The following ADAM33 variants were observed in gnomAD, a reference collection of about 807,000 sequenced individuals.
ADAM33 encodes ADAM metallopeptidase domain 33.
In ADAM33, 103 loss-of-function variants were observed where a neutral mutation model predicts 106.2. The observed-to-expected ratio is 0.97, with a 90% CI of 0.83 to 1.14. The LOEUF (loss-of-function observed/expected upper bound fraction) is 1.14. Ranked by LOEUF, ADAM33 falls within the 50% of genes most tolerant of loss-of-function variation. The pLI is 0.00. For synonymous variants in ADAM33, 483 were observed against 453.0 expected (o/e 1.07, Z -0.84); for missense variants, 1,120 against 1,096.6 (o/e 1.02, Z -0.30).
chr20:3,680,966 G>T (rs530684501), intron 1 of ADAM33, among the ~76,000 whole-genome samples: 2 of 152,134 alleles, frequency 1.3e-5, no homozygotes, highest in South Asian at 2.1e-4. Context: ...TCTCCCAGGG[G>T]TCCCATCACC....
chr20:3,668,919 A>T lies in ADAM33; in HGVS notation c.*44T>A, dbSNP rs747580126. On this transcript the variant is annotated 3_prime_UTR_variant, in exon 22 of 22. Transcript: ENST00000356518. ...AGTTCAAGTTCCTGGAGTGGCTGTC[A>T]GTGGCCACCTGTCTTTAAATCTGTT... 2 of 1,590,392 alleles carry T rather than the reference A, an allele frequency of 1.3e-6. No individual in the cohort carries two copies. Among genetic ancestry groups the T allele is most frequent in the Non-Finnish European group, 1.7e-6 (2 of 1,158,960 alleles).
rs1600230410 is a variant in ADAM33 at position 3,675,490 on chromosome 20, A to G, written c.255-385T>C. Among the ~76,000 whole-genome samples the G allele has an allele frequency of 6.6e-6, 1 of 151,578 alleles. No homozygotes were observed. The highest frequency in any genetic ancestry group is 1.5e-5 in the Non-Finnish European group (1 of 67,872). Reference sequence around the variant, plus strand: ...GACTTGGAGTTGGGGAAATGCGGTGACCTCCCCCAGTTCCCCTGCCTGCTG... The same window carrying G: ...GACTTGGAGTTGGGGAAATGCGGTGGCCTCCCCCAGTTCCCCTGCCTGCTG... On this transcript the variant is annotated intron_variant, in intron 3 of 21. Coordinates refer to ENST00000356518, the MANE Select transcript of ADAM33 (RefSeq NM_025220.5). The surrounding 1 kb of genome is among the most constrained non-coding windows in gnomAD (Gnocchi z 4.1).
rs79400185 is a variant in ADAM33, at chr20:3,680,383, C to T, written c.98-812G>A. Among the ~76,000 whole-genome samples, 45 of 152,094 alleles carry T rather than the reference C, an allele frequency of 3.0e-4. 1 individual carries two copies. ...AGCTCCCAGAACAGACAGCCTCCCC[C>T]CTCCACGCAGCCCTGGCCTCAGTCC... On this transcript the variant is annotated intron_variant, in intron 1 of 21. Coordinates refer to ENST00000356518, the MANE Select transcript of ADAM33 (RefSeq NM_025220.5).
chr20:3,676,586 C>A (rs987831633), intron 3 of ADAM33, among the ~76,000 whole-genome samples: 1 of 151,826 alleles, frequency 6.6e-6, no homozygotes, highest in African/African-American at 2.4e-5. Context: ...TTACAGGCGC[C>A]GCCACCACGC....
At chr20:3,680,814 C>T (rs925126249) in intron 1 of ADAM33, among the ~76,000 whole-genome samples, 1 of 152,170 alleles carries the variant, frequency 6.6e-6, no homozygotes, top group African/African-American at 2.4e-5. Flanking sequence ...CATGGCCTTG[C>T]GCGCACGTGC....
In ADAM33 at chr20:3,679,009, A is replaced by G. The variant is rs2146459708; in HGVS notation, c.177+483T>C. ...TGACCACTGCCCCCCCGATACCAGA[A>G]GTGGATTCCACAGGAGCCAGTGAGG... On this transcript the variant is annotated intron_variant, in intron 2 of 21. Transcript: ENST00000356518. 1.3e-5 allele frequency among the ~76,000 whole-genome samples: 2 copies of G among 152,184 alleles called. 1 individual carries two copies. Among genetic ancestry groups the G allele is most frequent in the South Asian group, 4.2e-4 (2 of 4,818 alleles).
chr20:3,681,820 G>T (rs2088525153), intron 1 of ADAM33, 88 bp downstream of exon 1: 4 of 1,484,586 alleles, frequency 2.7e-6, no homozygotes, highest in Middle Eastern at 4.2e-4. Flanking sequence ...CCCTCCGCGC[G>T]CTGACCCGAG....
At position 3,668,741 on chromosome 20, in the gene ADAM33, G is replaced by A; in HGVS notation, c.*222C>T. 2 of 591,150 alleles carry A rather than the reference G, an allele frequency of 3.4e-6. No individual in the cohort carries two copies. The highest frequency in any genetic ancestry group is 3.0e-6 in the Non-Finnish European group (1 of 328,618). The allele number at this position is 591,150 out of a possible 1,614,324, so 36.6% of individuals were successfully genotyped here. ...CTGGGACTGATGGTTTATTGAGCTG[G>A]AGAGTGTGCCCAGCAGTGTTCTCCA... On this transcript the variant is annotated 3_prime_UTR_variant, in exon 22 of 22. Coordinates refer to ENST00000356518, the MANE Select transcript of ADAM33 (RefSeq NM_025220.5).
rs1318166429 is a variant in ADAM33, at chr20:3,671,707, C to T, written c.1779G>A (p.Val593=). Residue 593 remains valine, a synonymous_variant, in exon 16 of 22, where the codon GTG becomes GTA. Transcript: ENST00000356518. Reference sequence around the variant, plus strand: ...GGCCATCTAGGTGAACGGTAGAGTCCACTGGCACCATGTGCGGTGCGAGCA... The same window carrying T: ...GGCCATCTAGGTGAACGGTAGAGTCTACTGGCACCATGTGCGGTGCGAGCA... The part of the protein sequence containing the change: ...PSLLAPHMVP[V]DSTVHLDGQE... The T allele has an allele frequency of 6.3e-7, 1 of 1,587,342 alleles. No individual in the cohort carries two copies. Among genetic ancestry groups the T allele is most frequent in the Non-Finnish European group, 8.6e-7 (1 of 1,166,536 alleles).
At chr20:3,672,109 T>C (rs929143262) in intron 14 of ADAM33, 25 bp downstream of exon 14, 2 of 1,603,900 alleles carry the variant, frequency 1.2e-6, no homozygotes, top group African/African-American at 2.7e-5. Context: ...GGGGGCAGGG[T>C]GCAAGGGTGC....
At chr20:3,672,415 G>C in intron 13 of ADAM33, 86 bp from the exon 14 acceptor site, 1 of 1,577,020 alleles carries the variant, frequency 6.3e-7, no homozygotes, top group South Asian at 1.2e-5. Flanking sequence ...CGGAGCTGGG[G>C]GAGCCAGGCC....
rs1279821632 is a variant in ADAM33, at chr20:3,673,768, G to T, written c.882C>A (p.Pro294=). The T allele has an allele frequency of 2.0e-6, 3 of 1,527,360 alleles. No homozygotes were observed. Among genetic ancestry groups the T allele is most frequent in the Non-Finnish European group, 2.6e-6 (3 of 1,142,438 alleles). The allele number at this position is 1,527,360 out of a possible 1,614,324, so 94.6% of individuals were successfully genotyped here. A position where few individuals can be genotyped will look rare whatever the true frequency, so the allele number is the denominator to read the frequency against. The change falls in exon 9 of 22, where the codon CCC becomes CCA. Residue 294 remains proline (P), a synonymous_variant. Transcript: ENST00000356518. ...ACGTGAGCAGCTGCGCGGAGTCGTG[G>T]GGCCGCTGCGCCCACAGCCCCCGGC... ...QWRRGLWAQR[P]HDSAQLLTGR...
chr20:3,672,921 G>A (rs747622997), intron 11 of ADAM33, 23 bp from the exon 12 acceptor site: 7 of 1,531,172 alleles, frequency 4.6e-6, no homozygotes, highest in African/African-American at 2.8e-5. Flanking sequence ...GGAGGGCATT[G>A]GGCATGGAGG....
chr20:3,680,594 G>T (rs1429285161), intron 1 of ADAM33, among the ~76,000 whole-genome samples: 1 of 152,194 alleles, frequency 6.6e-6, no homozygotes, highest in Non-Finnish European at 1.5e-5. Context: ...TGCCACCTTG[G>T]AAAGGAGGCT....
In ADAM33 at chr20:3,672,708, G is replaced by T. The variant is rs113150830; in HGVS notation, c.1311+13C>A. The T allele has an allele frequency of 1.4e-3, 2,210 of 1,586,044 alleles. 29 individuals carry two copies. In the African/African-American group the frequency reaches 0.026, roughly 18 times the overall value. ...CGGAGAGGGCAAGTGGGGGCCGGGC[G>T]AGCCGACTTAACCTGGCCAGGGCCG... On this transcript the variant is annotated intron_variant, in intron 12 of 21. Coordinates refer to ENST00000356518, the MANE Select transcript of ADAM33 (RefSeq NM_025220.5).
chr20:3,676,940 A>G, intron 3 of ADAM33, 127 bp downstream of exon 3: 1 of 983,060 alleles, frequency 1.0e-6, no homozygotes, highest in African/African-American at 1.7e-5. Flanking sequence ...GGCCTGCGTG[A>G]CTCTCCCTGT....
intron 2 of ADAM33, 107 bp downstream of exon 2, chr20:3,679,385 T>C: frequency 1.7e-6 from 2 of 1,170,648 alleles, no homozygotes. Flanking sequence ...AGTAGTGACT[T>C]GGTGGTTCTG....
At chr20:3,677,586 G>A (rs1305062117) in intron 2 of ADAM33, among the ~76,000 whole-genome samples, 1 of 152,286 alleles carries the variant, frequency 6.6e-6, no homozygotes, top group South Asian at 2.1e-4. Flanking sequence ...GTTTCCAAAT[G>A]AGCTGCTGCT....
intron 1 of ADAM33, among the ~76,000 whole-genome samples, chr20:3,680,168 C>T (rs922367597): frequency 2.0e-5 from 3 of 152,186 alleles, no homozygotes; most frequent in Admixed American, 6.5e-5. Context: ...GCTCCCTGGC[C>T]GGGTGTGCCT....
Sources: gnomAD v4.1 joint callset for allele counts (sites outside exome capture counted in the v4.1 genomes callset) on GRCh38, gnomAD v4.1.1 for gene constraint, Gnocchi (gnomAD v3.1) non-coding constraint, MANE v1.5 for transcripts, NCBI Gene and HGNC (gene_info 2026-07-23, HGNC 2026-07-21) for gene names.